Variants in PSD3 observed in about 807,000 individuals in gnomAD.
The protein encoded by PSD3 is pleckstrin and Sec7 domain containing 3.
PSD3 carries 49 observed loss-of-function variants against 105.5 expected under a neutral mutation model. The ratio of observed to expected loss-of-function variants is 0.46; its 90% confidence interval spans 0.37 to 0.59. The LOEUF (loss-of-function observed/expected upper bound fraction) is 0.59. Ranked by LOEUF, PSD3 falls within the 20% of genes least tolerant of loss-of-function variation. PSD3 has a pLI of 0.00. For synonymous variants in PSD3, 557 were observed against 457.8 expected (o/e 1.22, Z -2.77); for missense variants, 1,561 against 1,263.8 (o/e 1.24, Z -3.57).
intron 1 of PSD3, among the ~76,000 whole-genome samples, chr8:18,976,879 C>A (rs951023659): frequency 2.0e-5 from 3 of 152,046 alleles, no homozygotes; most frequent in African/African-American, 7.2e-5. Context: ...GACAGTTAAA[C>A]CAAAGTATAC....
intron 14 of PSD3, among the ~76,000 whole-genome samples, chr8:18,562,135 G>A (rs1421794325): frequency 2.0e-5 from 3 of 152,156 alleles, no homozygotes; most frequent in African/African-American, 7.2e-5. Flanking sequence ...GAACCTCACC[G>A]AGCGCCCATA....
chr8:18,687,294 A>G (rs114380475), intron 9 of PSD3, among the ~76,000 whole-genome samples: 2,374 of 152,078 alleles, frequency 0.016, 53 homozygotes, highest in East Asian at 0.04. Flanking sequence ...TGAAAAACCC[A>G]TCTCTACAAA....
Position 18,533,664 on chromosome 8 carries a change from T to C in PSD3, c.*2079A>G, listed in dbSNP as rs901934. On this transcript the variant is annotated 3_prime_UTR_variant, in exon 16 of 16. Transcript: ENST00000327040. ...TCCTTTTTCTTTAGTTACTGAAGCTTGTAGATGACATGGTCTAGGTACCTC... is the reference window on the plus strand; with the variant it reads ...TCCTTTTTCTTTAGTTACTGAAGCTCGTAGATGACATGGTCTAGGTACCTC... 0.91 allele frequency: 138,560 copies of C among 152,280 alleles called. 63,103 individuals carry two copies. Among genetic ancestry groups the C allele is most frequent in the East Asian group, 0.97 (5,003 of 5,180 alleles). 9.4% of individuals were successfully genotyped at this position (152,280 alleles called of 1,614,324 possible). A position where few individuals can be genotyped will look rare whatever the true frequency, so the allele number is the denominator to read the frequency against.
At chr8:18,768,005 T>C (rs1258291844) in intron 8 of PSD3, among the ~76,000 whole-genome samples, 1 of 148,478 alleles carries the variant, frequency 6.7e-6, no homozygotes, top group East Asian at 2.0e-4. Context: ...GCGCGGTGGC[T>C]CACACCTATA....
intron 1 of PSD3, among the ~76,000 whole-genome samples, chr8:18,974,466 A>T (rs1268803226): frequency 6.6e-6 from 1 of 152,188 alleles, no homozygotes; most frequent in Non-Finnish European, 1.5e-5. Context: ...AGAGAAAAAG[A>T]CGCAAGGAGA....
upstream of PSD3, among the ~76,000 whole-genome samples, chr8:19,018,280 T>C (rs1276669749): frequency 6.6e-6 from 1 of 152,192 alleles, no homozygotes; most frequent in African/African-American, 2.4e-5. Flanking sequence ...GGAAGACCTC[T>C]CAAGTTTCTT....
intron 2 of PSD3, among the ~76,000 whole-genome samples, chr8:18,873,551 C>T (rs1227133216): frequency 6.6e-6 from 1 of 152,118 alleles, no homozygotes; most frequent in African/African-American, 2.4e-5. Context: ...CATACCAGTA[C>T]TGTACCTCAA....
intron 1 of PSD3, among the ~76,000 whole-genome samples, chr8:19,050,323 A>T (rs370545839): frequency 6.6e-6 from 1 of 152,164 alleles, no homozygotes; most frequent in African/African-American, 2.4e-5. Flanking sequence ...CCTGTCAAGG[A>T]TATAATGGCT....
intron 9 of PSD3, among the ~76,000 whole-genome samples, chr8:18,663,323 G>C (rs1357737966): frequency 6.6e-6 from 1 of 152,028 alleles, no homozygotes; most frequent in East Asian, 1.9e-4. Flanking sequence ...GCTACTTAGA[G>C]GCTGATGCAG....
intron 9 of PSD3, among the ~76,000 whole-genome samples, chr8:18,749,913 C>T (rs548096484): frequency 2.8e-4 from 42 of 152,308 alleles, no homozygotes; most frequent in Non-Finnish European, 5.3e-4. Flanking sequence ...GCTTAATGAA[C>T]TTGAAGCAGA....
At chr8:18,794,141 C>A (rs1300520028) in intron 8 of PSD3, among the ~76,000 whole-genome samples, 1 of 27,080 alleles carries the variant, frequency 3.7e-5, no homozygotes, top group African/African-American at 9.7e-5. Context: ...GGATTAAGGG[C>A]GGTGCAGGAT....
chr8:19,027,706 C>T (rs2129476092), intron 1 of PSD3, among the ~76,000 whole-genome samples: 1 of 152,262 alleles, frequency 6.6e-6, no homozygotes, highest in African/African-American at 2.4e-5. Flanking sequence ...GGTATGAGCT[C>T]TTTTGTTTCT....
rs368647298 is a variant in PSD3 at position 18,632,814 on chromosome 8, G to C, written c.2217-8C>G. The C allele has an allele frequency of 2.0e-5, 31 of 1,538,932 alleles. No homozygotes were observed. In the African/African-American group the frequency reaches 3.6e-4, roughly 18 times the overall value. On this transcript the variant is annotated splice_region_variant and splice_polypyrimidine_tract_variant and intron_variant, in intron 10 of 15. Coordinates refer to ENST00000327040, the MANE Select transcript of PSD3 (RefSeq NM_015310.4). ...TTTTTCTCTTCATCATCTCTAAAAG[G>C]GAGAAAGCACAAAGACTGAGTCAAG... is the stretch of plus-strand genomic sequence containing the variant.
chr8:18,566,501 G>T (rs1017274936), intron 14 of PSD3, among the ~76,000 whole-genome samples: 2 of 145,028 alleles, frequency 1.4e-5, no homozygotes, highest in Admixed American at 1.4e-4. Context: ...ACTCCAGCCT[G>T]GGCAACAGAG....
intron 14 of PSD3, among the ~76,000 whole-genome samples, chr8:18,559,633 ATT>A (rs5889806): frequency 1.3e-5 from 2 of 152,074 alleles, no homozygotes; most frequent in South Asian, 2.1e-4. Context: ...ACAAACTTCT[ATT>A]TTTTTTTACT....
intron 4 of PSD3, among the ~76,000 whole-genome samples, chr8:18,840,098 T>C (rs942731661): frequency 6.6e-6 from 1 of 152,186 alleles, no homozygotes; most frequent in African/African-American, 2.4e-5. Context: ...ATCCTGTTGT[T>C]CTCTAGGTCT....
chr8:18,851,699 G>A (rs1033500138), intron 4 of PSD3, among the ~76,000 whole-genome samples: 2 of 152,188 alleles, frequency 1.3e-5, no homozygotes, highest in African/African-American at 2.4e-5. Flanking sequence ...GGGAGGGACC[G>A]AGCTGCACAG....
intron 4 of PSD3, among the ~76,000 whole-genome samples, chr8:18,830,584 G>A (rs1813603124): frequency 6.6e-6 from 1 of 152,208 alleles, no homozygotes; most frequent in African/African-American, 2.4e-5. Context: ...AGGTATCAAA[G>A]TACACTTTGG....
At chr8:18,869,041 T>G (rs913926574) in intron 3 of PSD3, among the ~76,000 whole-genome samples, 1 of 152,074 alleles carries the variant, frequency 6.6e-6, no homozygotes, top group Admixed American at 6.6e-5. Context: ...GCATTGCAAT[T>G]GGTTTGTTGT....
Sources: allele counts gnomAD v4.1 joint callset (sites outside exome capture counted in the v4.1 genomes callset), GRCh38; gene constraint gnomAD v4.1.1; transcripts MANE v1.5; gene names NCBI Gene and HGNC (gene_info 2026-07-23, HGNC 2026-07-21).